The following DCAF1 variants were observed in gnomAD, a reference collection of about 807,000 sequenced individuals.
DCAF1 encodes the protein DDB1- and CUL4-associated factor 1.
A neutral mutation model predicts 128.0 loss-of-function variants in DCAF1; 15 were observed. The observed-to-expected ratio is 0.12, with a 90% CI of 0.08 to 0.18. The LOEUF is 0.18. Ranked by LOEUF, DCAF1 falls within the 10% of genes least tolerant of loss-of-function variation. The probability of loss-of-function intolerance (pLI) is 1.00; values close to 1 mark genes in which losing one functional copy is unlikely to be tolerated. For synonymous variants in DCAF1, 610 were observed against 603.0 expected (o/e 1.01, Z -0.17); for missense variants, 988 against 1,649.5 (o/e 0.60, Z 6.95).
intron 2 of DCAF1, 68 bp from the exon 3 acceptor site, chr3:51,483,904 A>C (rs1317253318): frequency 1.8e-6 from 2 of 1,121,612 alleles, no homozygotes; most frequent in Non-Finnish European, 2.7e-6. Flanking sequence ...AAAGTGAAGA[A>C]GGGGTAGAAA....
At chr3:51,400,388 C>T (rs898872329) in intron 24 of DCAF1, among the ~76,000 whole-genome samples, 1 of 152,182 alleles carries the variant, frequency 6.6e-6, no homozygotes, top group African/African-American at 2.4e-5. Flanking sequence ...CTCATGCTCT[C>T]CACAAGCCAA....
At chr3:51,431,281 G>T (rs1420712125) in intron 10 of DCAF1, among the ~76,000 whole-genome samples, 1 of 152,008 alleles carries the variant, frequency 6.6e-6, no homozygotes, top group Non-Finnish European at 1.5e-5. Context: ...ACTTTGGGAG[G>T]CTGAGGCGGG....
chr3:51,482,015 T>C (rs1706262810), intron 3 of DCAF1, among the ~76,000 whole-genome samples: 1 of 151,572 alleles, frequency 6.6e-6, no homozygotes, highest in Non-Finnish European at 1.5e-5. Flanking sequence ...ACAAAAAAAG[T>C]TTTTCAGTTT....
At chr3:51,419,198 T>C (rs1699171069) in intron 15 of DCAF1, among the ~76,000 whole-genome samples, 1 of 151,872 alleles carries the variant, frequency 6.6e-6, no homozygotes, top group South Asian at 2.1e-4. Context: ...CCATCTCTAC[T>C]AAAAATGCAA....
At chr3:51,434,004 C>G (rs2107596161) in intron 9 of DCAF1, among the ~76,000 whole-genome samples, 1 of 151,674 alleles carries the variant, frequency 6.6e-6, no homozygotes, top group South Asian at 2.1e-4. Flanking sequence ...ATCGCCTGAA[C>G]CCGGGAGACG....
chr3:51,482,813 G>A (rs1447153505), intron 3 of DCAF1, among the ~76,000 whole-genome samples: 1 of 148,458 alleles, frequency 6.7e-6, no homozygotes, highest in African/African-American at 2.5e-5. Context: ...GTTGGGAAAT[G>A]AGTCTAATTT....
intron 17 of DCAF1, 24 bp downstream of exon 17, chr3:51,418,092 T>C (rs1553631024): frequency 6.2e-7 from 1 of 1,602,190 alleles, no homozygotes. Flanking sequence ...AAGCACAGAC[T>C]AGGTTCCAAA....
At chr3:51,498,049 CAAAAAAAAAAAAAAAAAAAA>C (rs56734063) in intron 1 of DCAF1, among the ~76,000 whole-genome samples, 1 of 20,810 alleles carries the variant, frequency 4.8e-5, no homozygotes, top group African/African-American at 1.6e-4. Flanking sequence ...GACTCTGTCT[CAAAAAAAAAAAAAAAAAAAA>C]AAAAAAAAAA....
At chr3:51,453,846 A>T (rs373891783) in intron 6 of DCAF1, among the ~76,000 whole-genome samples, 3 of 151,840 alleles carry the variant, frequency 2.0e-5, no homozygotes, top group Admixed American at 2.0e-4. Context: ...CCAGCTACTC[A>T]GGAGACTGAA....
At chr3:51,427,627 GATTTT>G (rs1352702610) in intron 12 of DCAF1, 86 bp from the exon 13 acceptor site, 2 of 445,758 alleles carry the variant, frequency 4.5e-6, no homozygotes, top group Admixed American at 4.2e-5. Context: ...CTGGCCAAGA[GATTTT>G]ATTTTATTTA....
chr3:51,408,677 T>C (rs1222045634), intron 23 of DCAF1, among the ~76,000 whole-genome samples: 2 of 152,156 alleles, frequency 1.3e-5, no homozygotes, highest in African/African-American at 2.4e-5. Flanking sequence ...AGAAGGAGCA[T>C]GGATCAACAG....
Position 51,414,828 on chromosome 3 carries a change from C to T in DCAF1, c.3633G>A (p.Leu1211=), listed in dbSNP as rs1172456518. 1 of 1,613,872 alleles carries T rather than the reference C, an allele frequency of 6.2e-7. No individual in the cohort carries two copies. The highest frequency in any genetic ancestry group is 8.5e-7 in the Non-Finnish European group (1 of 1,179,886). ...HIYDIQTGNK[L]LTLFNPDLAN... Reference sequence around the variant, plus strand: ...CAAGATCTGGGTTAAACAGAGTCAACAGCTTGTTGCCAGTCTGAATATCAT... The same window carrying T: ...CAAGATCTGGGTTAAACAGAGTCAATAGCTTGTTGCCAGTCTGAATATCAT... Residue 1211 remains leucine (L), a synonymous_variant, in exon 19 of 25, where the codon CTG becomes CTA. Coordinates refer to ENST00000684031, the MANE Select transcript of DCAF1 (RefSeq NM_001387579.1).
At chr3:51,492,785 G>C (rs1473245482) in intron 2 of DCAF1, among the ~76,000 whole-genome samples, 1 of 151,812 alleles carries the variant, frequency 6.6e-6, no homozygotes, top group Non-Finnish European at 1.5e-5. Context: ...GCGAGGTCAG[G>C]AGACAGAGAC....
chr3:51,460,681 CA>C (rs1703450811), intron 6 of DCAF1, among the ~76,000 whole-genome samples: 1 of 152,102 alleles, frequency 6.6e-6, no homozygotes, highest in South Asian at 2.1e-4. Context: ...CTACAGTAAC[CA>C]AAACAGCATG....
intron 2 of DCAF1, among the ~76,000 whole-genome samples, chr3:51,491,209 G>A (rs1281882151): frequency 2.6e-5 from 4 of 151,710 alleles, no homozygotes; most frequent in South Asian, 2.1e-4. Context: ...TTAGCTGGGC[G>A]TGTTGGCACG....
At position 51,441,018 on chromosome 3, in the gene DCAF1, A is replaced by G; in HGVS notation, c.1080T>C (p.Ile360=). 6.2e-7 allele frequency: 1 copy of G among 1,613,218 alleles called. No homozygotes were observed. The highest frequency in any genetic ancestry group is 8.5e-7 in the Non-Finnish European group (1 of 1,179,596). ...GGACATCATTAGTTTGCTTCAGGTC[A>G]ATATAGAACATCATCAGCTCCCGTG... ...LGSRELMMFY[I]DLKQTNDVLL... is the part of the protein sequence containing the mutation. The change falls in exon 9 of 25, where the codon ATT becomes ATC. Residue 360 remains isoleucine (I), a synonymous_variant. Transcript: ENST00000684031.
downstream of DCAF1, chr3:51,395,882 T>TTTA (rs1333534233): frequency 1.2e-5 from 5 of 413,440 alleles, no homozygotes; most frequent in East Asian, 1.8e-4. Flanking sequence ...GTTAAGCATG[T>TTTA]TTATTTATTT....
chr3:51,463,743 T>A (rs558208131), intron 5 of DCAF1, among the ~76,000 whole-genome samples: 1 of 151,610 alleles, frequency 6.6e-6, no homozygotes, highest in African/African-American at 2.4e-5. Context: ...TAATCACCAC[T>A]GCACTCAGGC....
At chr3:51,450,272 T>C (rs897953819) in intron 6 of DCAF1, among the ~76,000 whole-genome samples, 6 of 152,204 alleles carry the variant, frequency 3.9e-5, no homozygotes, top group Non-Finnish European at 8.8e-5. Context: ...TCCTAACTCA[T>C]TTTATGATGC....
Sources: allele counts gnomAD v4.1 joint callset (sites outside exome capture counted in the v4.1 genomes callset), GRCh38; gene constraint gnomAD v4.1.1; transcripts MANE v1.5; gene names NCBI Gene and HGNC (gene_info 2026-07-23, HGNC 2026-07-21).